Variants in AFF2 observed in about 807,000 individuals in gnomAD.
AFF2 encodes the protein ALF transcription elongation factor 2.
Under a neutral mutation model 76.9 loss-of-function variants are expected in AFF2, and 14 were observed. The ratio of observed to expected loss-of-function variants is 0.18; its 90% CI spans 0.12 to 0.28. The LOEUF (loss-of-function observed/expected upper bound fraction) is 0.28, where lower values mean the gene tolerates loss of function less well. Among genes scored for constraint, AFF2 ranks in the 10% least tolerant of loss-of-function variants. The probability of loss-of-function intolerance (pLI) is 1.00; values close to 1 mark genes in which losing one functional copy is unlikely to be tolerated. For synonymous variants in AFF2, 398 were observed against 366.7 expected, an observed-to-expected ratio of 1.09 and a Z score of -0.98; for missense variants, 868 against 1,001.1, an observed-to-expected ratio of 0.87 and a Z score of 1.79.
intron 1 of AFF2, among the ~76,000 whole-genome samples, chrX:148,507,882 C>T (rs782756558): frequency 1.8e-5 from 2 of 112,138 alleles, no homozygotes; most frequent in East Asian, 5.6e-4. Flanking sequence ...GACAATAGCA[C>T]TATAGCTAGA....
intron 9 of AFF2, among the ~76,000 whole-genome samples, chrX:148,948,494 A>G (rs1209115181): frequency 8.9e-6 from 1 of 111,985 alleles, no homozygotes; most frequent in East Asian, 2.8e-4. Flanking sequence ...TGGTAAAGGA[A>G]TTTACCAATA....
intron 1 of AFF2, among the ~76,000 whole-genome samples, chrX:148,588,001 G>C (rs2053485454): frequency 8.9e-6 from 1 of 112,392 alleles, no homozygotes. Flanking sequence ...CTCCTCTTTA[G>C]GGAGCATAGG....
intron 9 of AFF2, among the ~76,000 whole-genome samples, chrX:148,925,365 A>G (rs1253747815): frequency 2.7e-5 from 3 of 112,868 alleles, no homozygotes; most frequent in Non-Finnish European, 5.6e-5. Flanking sequence ...TAGGTATTTA[A>G]TATTTGTTTA....
At chrX:148,934,162 A>G (rs782127267) in intron 9 of AFF2, among the ~76,000 whole-genome samples, 16 of 112,882 alleles carry the variant, frequency 1.4e-4, no homozygotes, top group African/African-American at 5.1e-4. Flanking sequence ...GTTGATCACC[A>G]GTCAGCTTTC....
chrX:148,973,390 T>C (rs1160165841), intron 15 of AFF2, 81 bp from the exon 16 acceptor site: 1 of 1,136,442 alleles, frequency 8.8e-7, no homozygotes, highest in Non-Finnish European at 1.2e-6. Flanking sequence ...GGGGCAAAAC[T>C]ACCCCCCAGT....
chrX:148,836,969 C>CG (rs782095740), intron 4 of AFF2, among the ~76,000 whole-genome samples: 43 of 111,996 alleles, frequency 3.8e-4, no homozygotes, highest in Admixed American at 7.6e-4. Flanking sequence ...TTCCCCTCAG[C>CG]GGCTTCATCT....
Position 148,947,209 on chromosome X carries a change from T to A in AFF2, c.1398-6371T>A, listed in dbSNP as rs148031136. ...ATGTTAGGCAAAGACAATCTTTTTA[T>A]GAAGTTATATCAGGGTGTGGCCCAG... On this transcript the variant is annotated intron_variant, in intron 9 of 20. Coordinates refer to ENST00000370460, the MANE Select transcript of AFF2 (RefSeq NM_002025.4). Among the ~76,000 whole-genome samples, 149 of 112,644 alleles carry A rather than the reference T, an allele frequency of 1.3e-3. 1 individual carries two copies. The highest frequency in any genetic ancestry group is 4.6e-3 in the African/African-American group (142 of 31,081).
chrX:148,675,969 G>A (rs1446586495), intron 3 of AFF2, among the ~76,000 whole-genome samples: 3 of 110,699 alleles, frequency 2.7e-5, no homozygotes, highest in African/African-American at 9.9e-5. Context: ...CTGGAGGAAA[G>A]CATTTAGCTC....
rs1270402008 is a variant in AFF2 at position 148,500,753 on chromosome X, G to GGCCCGCAGCCA, written c.-341_-331dup. ...CGCCCCCGCCGCCGCTGCCGCCGCCGGCCCGCAGCCAGCCAGGCGGGCGGC... is the reference window on the plus strand; with the variant it reads ...CGCCCCCGCCGCCGCTGCCGCCGCCGGCCCGCAGCCAGCCCGCAGCCAGCCAGGCGGGCGGC... On this transcript the variant is annotated 5_prime_UTR_variant, in exon 1 of 21. Coordinates refer to ENST00000370460, the MANE Select transcript of AFF2 (RefSeq NM_002025.4). The GGCCCGCAGCCA allele has an allele frequency of 3.2e-5, 3 of 94,500 alleles. No individual in the cohort carries two copies. Among genetic ancestry groups the GGCCCGCAGCCA allele is most frequent in the African/African-American group, 1.2e-4 (3 of 25,998 alleles). 7.8% of individuals were successfully genotyped at this position (94,500 alleles called of 1,213,427 possible).
chrX:148,958,245 C>T, intron 11 of AFF2, 92 bp from the exon 12 acceptor site: 1 of 1,096,924 alleles, frequency 9.1e-7, no homozygotes, highest in Non-Finnish European at 1.2e-6. Flanking sequence ...TAAAAGCAAA[C>T]TATGTATCTT....
intron 4 of AFF2, among the ~76,000 whole-genome samples, chrX:148,831,824 T>C (rs969729887): frequency 2.0e-4 from 22 of 112,264 alleles, no homozygotes; most frequent in Non-Finnish European, 3.6e-4. Context: ...CTCACAGAAC[T>C]GTCAGGAACC....
intron 3 of AFF2, among the ~76,000 whole-genome samples, chrX:148,706,643 A>G (rs1194953514): frequency 8.9e-6 from 1 of 112,336 alleles, no homozygotes; most frequent in Non-Finnish European, 1.9e-5. Flanking sequence ...GAATATAAGG[A>G]TGCTCTTTCT....
intron 8 of AFF2, among the ~76,000 whole-genome samples, chrX:148,900,166 A>G (rs551333720): frequency 2.0e-4 from 22 of 111,252 alleles, no homozygotes; most frequent in African/African-American, 6.8e-4. Flanking sequence ...CTTTTATGTC[A>G]TATTTTATCC....
At chrX:148,659,542 G>T (rs1175126295) in intron 2 of AFF2, among the ~76,000 whole-genome samples, 2 of 112,357 alleles carry the variant, frequency 1.8e-5, no homozygotes, top group African/African-American at 6.5e-5. Flanking sequence ...GAAGTGAAAT[G>T]GTGTTGTTTT....
At chrX:148,718,986 GA>G (rs2055059090) in intron 3 of AFF2, 23 of 806,910 alleles carry the variant, frequency 2.9e-5, no homozygotes, top group Non-Finnish European at 3.6e-5. Flanking sequence ...TAACAAAACA[GA>G]GTTTAAATTG....
chrX:148,722,710 A>G (rs145281174), intron 3 of AFF2, among the ~76,000 whole-genome samples: 1 of 110,860 alleles, frequency 9.0e-6, no homozygotes, highest in Non-Finnish European at 1.9e-5. Flanking sequence ...TGAAATTCAA[A>G]CTCCTTAGTT....
At chrX:148,848,663 C>G (rs2070696554) in intron 7 of AFF2, among the ~76,000 whole-genome samples, 1 of 112,340 alleles carries the variant, frequency 8.9e-6, no homozygotes, top group Admixed American at 9.4e-5. Context: ...CAGATTAATT[C>G]TTAATCAGAA....
chrX:148,538,244 T>C (rs1210928190), intron 1 of AFF2, among the ~76,000 whole-genome samples: 2 of 112,825 alleles, frequency 1.8e-5, no homozygotes, highest in African/African-American at 3.2e-5. Flanking sequence ...TTGTGCCTAA[T>C]ACAGTTGTTC....
intron 19 of AFF2, among the ~76,000 whole-genome samples, chrX:148,984,878 CA>C (rs1219151440): frequency 1.8e-5 from 2 of 111,602 alleles, no homozygotes; most frequent in Admixed American, 1.9e-4. Context: ...GGGATATGCT[CA>C]GGGGCACACA....
Sources: gnomAD v4.1 joint callset for allele counts (sites outside exome capture counted in the v4.1 genomes callset) on GRCh38, gnomAD v4.1.1 for gene constraint, MANE v1.5 for transcripts, NCBI Gene and HGNC (gene_info 2026-07-23, HGNC 2026-07-21) for gene names.